DIAPH3: variants seen among roughly 807,000 people sequenced by gnomAD.
DIAPH3 encodes protein diaphanous homolog 3.
Under a neutral mutation model 144.3 loss-of-function variants are expected in DIAPH3, and 117 were observed. That is an observed-to-expected ratio of 0.81 (90% confidence interval 0.70 to 0.95). The LOEUF is 0.95. Ranked by LOEUF, DIAPH3 falls within the 40% of genes least tolerant of loss-of-function variation. The pLI, the probability that DIAPH3 is intolerant of heterozygous loss-of-function variation, is 0.00. For missense variants in DIAPH3, 1,421 were observed against 1,412.7 expected, an observed-to-expected ratio of 1.01 and a Z score of -0.09; for synonymous variants, 519 against 488.9, an observed-to-expected ratio of 1.06 and a Z score of -0.81.
intron 27 of DIAPH3, among the ~76,000 whole-genome samples, chr13:59,756,444 A>AAGGAAGGAAG (rs1566265975): frequency 6.5e-5 from 8 of 122,834 alleles, no homozygotes; most frequent in Admixed American, 1.7e-4. Context: ...AAGGAAGGAA[A>AAGGAAGGAAG]GAAGGAAGGA....
At chr13:59,929,108 A>G (rs2047892067) in intron 17 of DIAPH3, among the ~76,000 whole-genome samples, 2 of 152,182 alleles carry the variant, frequency 1.3e-5, no homozygotes, top group African/African-American at 2.4e-5. Context: ...TTCAAAGGAA[A>G]TGTTCATTGG....
At chr13:59,781,658 C>T (rs770570966) in intron 25 of DIAPH3, among the ~76,000 whole-genome samples, 9 of 152,132 alleles carry the variant, frequency 5.9e-5, no homozygotes, top group Non-Finnish European at 1.3e-4. Flanking sequence ...TTTCCCAGAT[C>T]CATTGAAGAC....
In DIAPH3 at chr13:59,971,015, A is replaced by G. The variant is rs2050335054; in HGVS notation, c.1796T>C (p.Leu599Pro). Reference protein sequence around the residue: ...PPPPPPPPPPLPGMRMPFSGP... With the variant: ...PPPPPPPPPPPPGMRMPFSGP... ...ACTGAATGGCATCCGCATTCCTGGA[A>G]GTGGAGGAGGTGGTGGGGGAGGAGG... The change falls in exon 16 of 28, where the codon CTT becomes CCT. Residue 599 changes from leucine (L) to proline (P), a missense_variant. Leu to Pro is a moderately conservative substitution (Grantham distance 98). Transcript: ENST00000400324. 1 of 1,507,676 alleles carries G rather than the reference A, an allele frequency of 6.6e-7. No individual in the cohort carries two copies. The highest frequency in any genetic ancestry group is 1.4e-5 in the African/African-American group (1 of 70,944). The allele number at this position is 1,507,676 out of a possible 1,614,324, so 93.4% of individuals were successfully genotyped here.
chr13:59,785,690 C>T (rs2038998324), intron 25 of DIAPH3, among the ~76,000 whole-genome samples: 1 of 152,036 alleles, frequency 6.6e-6, no homozygotes, highest in African/African-American at 2.4e-5. Context: ...CATTCTCTAC[C>T]TTCTCCTTCC....
At chr13:59,875,557 A>AT (rs1356752154) in intron 21 of DIAPH3, among the ~76,000 whole-genome samples, 1 of 152,104 alleles carries the variant, frequency 6.6e-6, no homozygotes, top group Non-Finnish European at 1.5e-5. Context: ...AAACTGACTC[A>AT]TTTGTTGTTT....
At chr13:60,047,398 G>C (rs1272069050) in intron 4 of DIAPH3, among the ~76,000 whole-genome samples, 2 of 152,116 alleles carry the variant, frequency 1.3e-5, no homozygotes, top group African/African-American at 2.4e-5. Context: ...AAAAACAATT[G>C]TGATAAAGAA....
chr13:60,113,099 C>G (rs1404661679), intron 2 of DIAPH3, among the ~76,000 whole-genome samples: 1 of 152,136 alleles, frequency 6.6e-6, no homozygotes, highest in Non-Finnish European at 1.5e-5. Flanking sequence ...ACTGTTCTCA[C>G]CACGTATACT....
chr13:60,061,010 G>A (rs1179901915), intron 4 of DIAPH3, among the ~76,000 whole-genome samples: 1 of 152,012 alleles, frequency 6.6e-6, no homozygotes, highest in Admixed American at 6.6e-5. Flanking sequence ...AGCTGAGTAA[G>A]AACATCTAAA....
chr13:59,983,157 A>C (rs1484050382), intron 13 of DIAPH3, among the ~76,000 whole-genome samples: 1 of 149,892 alleles, frequency 6.7e-6, no homozygotes, highest in African/African-American at 2.4e-5. Flanking sequence ...AAAAAAAAAA[A>C]AACTCTCAAG....
intron 17 of DIAPH3, among the ~76,000 whole-genome samples, chr13:59,965,269 T>C (rs2049984062): frequency 2.0e-5 from 3 of 152,124 alleles, no homozygotes; most frequent in Admixed American, 2.0e-4. Flanking sequence ...ATGGGCCCTA[T>C]CTGGCAAAAA....
intron 1 of DIAPH3, among the ~76,000 whole-genome samples, chr13:60,158,479 G>A (rs1952129480): frequency 6.6e-6 from 1 of 152,180 alleles, no homozygotes; most frequent in African/African-American, 2.4e-5. Context: ...TAGTTAATGT[G>A]TATCCACCTC....
At chr13:59,841,024 T>C (rs1338154614) in intron 22 of DIAPH3, among the ~76,000 whole-genome samples, 1 of 152,188 alleles carries the variant, frequency 6.6e-6, no homozygotes, top group Non-Finnish European at 1.5e-5. Context: ...TACTCTTTCA[T>C]TTTTATGTCT....
rs755596264 is a variant in DIAPH3 at position 59,774,189 on chromosome 13, C to T, written c.3319G>A (p.Glu1107Lys). Residue 1107 changes from glutamate to lysine, a missense_variant and splice_region_variant, in exon 27 of 28, where the codon GAA becomes AAA. Physicochemically the swap from Glu to Lys is moderately conservative, Grantham distance 56 (BLOSUM62 1). Coordinates refer to ENST00000400324, the MANE Select transcript of DIAPH3 (RefSeq NM_001042517.2). ...QRPVLKVCNH[E>K]NQKVQLTEGS... is the part of the protein sequence containing the mutation. ...GCAATTTATAAATACGGTTTATTAC[C>T]ATGGTTACAAACTTTCAGAACAGGC... 14 of 1,612,454 alleles carry T rather than the reference C, an allele frequency of 8.7e-6. No homozygotes were observed. The highest frequency in any genetic ancestry group is 1.1e-5 in the Non-Finnish European group (13 of 1,179,410).
At chr13:59,983,149 A>AAAC (rs1260961076) in intron 13 of DIAPH3, among the ~76,000 whole-genome samples, 1 of 149,888 alleles carries the variant, frequency 6.7e-6, no homozygotes, top group Non-Finnish European at 1.5e-5. Flanking sequence ...TAAAAAAAAA[A>AAAC]AAAAAAAAAA....
intron 4 of DIAPH3, among the ~76,000 whole-genome samples, chr13:60,077,345 G>C (rs1411144550): frequency 6.6e-6 from 1 of 151,904 alleles, no homozygotes; most frequent in African/African-American, 2.4e-5. Context: ...CTTTAGGAGA[G>C]ATACATTTTG....
At chr13:59,781,095 A>G (rs907215792) in intron 25 of DIAPH3, among the ~76,000 whole-genome samples, 12 of 152,216 alleles carry the variant, frequency 7.9e-5, no homozygotes, top group Non-Finnish European at 1.6e-4. Flanking sequence ...TTCTTCAGCC[A>G]CGGTACAACC....
intron 18 of DIAPH3, among the ~76,000 whole-genome samples, chr13:59,920,534 G>T (rs977794683): frequency 4.6e-5 from 7 of 151,422 alleles, no homozygotes; most frequent in African/African-American, 1.7e-4. Context: ...ATGTGTGTGC[G>T]TGTATATACA....
At chr13:59,935,976 C>G (rs567019364) in intron 17 of DIAPH3, among the ~76,000 whole-genome samples, 4 of 152,128 alleles carry the variant, frequency 2.6e-5, no homozygotes, top group Non-Finnish European at 2.9e-5. Flanking sequence ...ATTTCTCTTT[C>G]TGTGACATTC....
intron 3 of DIAPH3, among the ~76,000 whole-genome samples, chr13:60,105,042 G>A (rs1157541704): frequency 1.5e-5 from 2 of 136,038 alleles, no homozygotes; most frequent in African/African-American, 5.5e-5. Context: ...CTTGCAGTGA[G>A]CTGAGATTGC....
Sources: allele counts gnomAD v4.1 joint callset (sites outside exome capture counted in the v4.1 genomes callset), GRCh38; gene constraint gnomAD v4.1.1; transcripts MANE v1.5; gene names NCBI Gene and HGNC (gene_info 2026-07-23, HGNC 2026-07-21).